NRXN3: variants seen among roughly 807,000 people sequenced by gnomAD.
The protein encoded by NRXN3 is neurexin 3.
Under a neutral mutation model 137.6 loss-of-function variants are expected in NRXN3, and 32 were observed. The observed-to-expected ratio is 0.23, with a 90% CI of 0.18 to 0.31. The LOEUF (loss-of-function observed/expected upper bound fraction) is 0.31. NRXN3 is among the 10% of genes least tolerant of loss of function. The probability of loss-of-function intolerance (pLI) is 1.00; values close to 1 mark genes in which losing one functional copy is unlikely to be tolerated. For synonymous variants in NRXN3, 798 were observed against 784.5 expected (o/e 1.02, Z -0.29); for missense variants, 1,574 against 2,062.5 (o/e 0.76, Z 4.59).
intron 8 of NRXN3, among the ~76,000 whole-genome samples, chr14:78,724,945 C>T (rs954698277): frequency 1.3e-5 from 2 of 152,196 alleles, no homozygotes; most frequent in African/African-American, 4.8e-5. Context: ...AGACCCCCTT[C>T]TGTGGGCTAC....
chr14:79,029,188 A>G (rs753753605), intron 15 of NRXN3, among the ~76,000 whole-genome samples: 15 of 152,124 alleles, frequency 9.9e-5, no homozygotes, highest in Non-Finnish European at 2.2e-4. Flanking sequence ...TATATCAGTT[A>G]TTCTGCATGA....
In NRXN3 at chr14:78,263,895, G is replaced by T. The variant is rs1039466132; in HGVS notation, c.710-14750G>T. Among the ~76,000 whole-genome samples, 7 of 146,938 alleles carry T rather than the reference G, an allele frequency of 4.8e-5. No individual in the cohort carries two copies. In the East Asian group the frequency reaches 1.4e-3, roughly 29 times the overall value. ...ATTTTGTGTGTGTGTGTGTGTGTGTGTGTGTGTGTGTGTGTGTGTGTGTGT... is the reference window on the plus strand; with the variant it reads ...ATTTTGTGTGTGTGTGTGTGTGTGTTTGTGTGTGTGTGTGTGTGTGTGTGT... On this transcript the variant is annotated intron_variant, in intron 2 of 20. Coordinates refer to ENST00000335750, the MANE Select transcript of NRXN3 (RefSeq NM_001330195.2).
chr14:79,116,163 C>T (rs980917133), intron 15 of NRXN3, among the ~76,000 whole-genome samples: 9 of 152,084 alleles, frequency 5.9e-5, no homozygotes, highest in East Asian at 3.9e-4. Flanking sequence ...ATCACTAGAC[C>T]GATCCTCCTC....
chr14:78,342,757 C>A (rs2082277040), intron 4 of NRXN3, among the ~76,000 whole-genome samples: 1 of 152,178 alleles, frequency 6.6e-6, no homozygotes, highest in Admixed American at 6.5e-5. Flanking sequence ...TCTAGTACCC[C>A]TTTCCTGGTC....
intron 4 of NRXN3, among the ~76,000 whole-genome samples, chr14:78,546,798 C>G (rs1314544326): frequency 6.6e-6 from 1 of 152,146 alleles, no homozygotes; most frequent in Admixed American, 6.5e-5. Flanking sequence ...CTGACTTGGC[C>G]TTGTCCCTCA....
intron 10 of NRXN3, among the ~76,000 whole-genome samples, chr14:78,834,101 A>T (rs2098989666): frequency 6.6e-6 from 1 of 152,160 alleles, no homozygotes; most frequent in Non-Finnish European, 1.5e-5. Flanking sequence ...CTGGTGAGTG[A>T]ACAAGGGAGG....
intron 15 of NRXN3, among the ~76,000 whole-genome samples, chr14:79,120,424 A>G (rs1007323634): frequency 2.6e-5 from 4 of 152,072 alleles, no homozygotes; most frequent in African/African-American, 9.7e-5. Context: ...TGAGAAGGGC[A>G]TAACTTTAGG....
intron 4 of NRXN3, among the ~76,000 whole-genome samples, chr14:78,436,802 A>T (rs1316986893): frequency 1.3e-5 from 2 of 152,174 alleles, no homozygotes; most frequent in African/African-American, 2.4e-5. Context: ...CTGTCATGAT[A>T]GTTCTAGCAT....
At chr14:79,499,574 A>G (rs2096799391) in intron 16 of NRXN3, among the ~76,000 whole-genome samples, 1 of 152,174 alleles carries the variant, frequency 6.6e-6, no homozygotes, top group Non-Finnish European at 1.5e-5. Context: ...AAGGAATGTG[A>G]CTGTTTAAAT....
chr14:79,474,173 T>G (rs1441039465), intron 16 of NRXN3, among the ~76,000 whole-genome samples: 2 of 152,170 alleles, frequency 1.3e-5, no homozygotes, highest in African/African-American at 2.4e-5. Context: ...TTTCAGCAAG[T>G]CATTCTACTA....
At chr14:79,390,696 C>T (rs1191502345) in intron 15 of NRXN3, among the ~76,000 whole-genome samples, 3 of 152,120 alleles carry the variant, frequency 2.0e-5, no homozygotes, top group Admixed American at 6.5e-5. Context: ...TGTGGTGTAA[C>T]ATGTACTAAA....
At chr14:78,279,426 A>G (rs993599369) in intron 3 of NRXN3, 7 of 152,246 alleles carry the variant, frequency 4.6e-5, no homozygotes, top group Non-Finnish European at 1.0e-4. Context: ...TGGTTTGGAG[A>G]CTATTCTGAA....
chr14:78,894,570 C>T (rs1199624558), intron 10 of NRXN3, among the ~76,000 whole-genome samples: 1 of 151,908 alleles, frequency 6.6e-6, no homozygotes, highest in African/African-American at 2.4e-5. Flanking sequence ...CTTTTCCAAA[C>T]TCCTGTTAAT....
chr14:79,839,104 T>C (rs12889038), intron 20 of NRXN3, among the ~76,000 whole-genome samples: 5,774 of 152,134 alleles, frequency 0.038, 166 homozygotes, highest in Non-Finnish European at 0.059. Context: ...TGTTTCAACA[T>C]TTCCTTCTTT....
At chr14:78,680,688 C>T (rs1270401274) in intron 6 of NRXN3, among the ~76,000 whole-genome samples, 1 of 151,872 alleles carries the variant, frequency 6.6e-6, no homozygotes, top group Non-Finnish European at 1.5e-5. Context: ...CTGGAACAAA[C>T]AACTCAACAG....
intron 4 of NRXN3, among the ~76,000 whole-genome samples, chr14:78,380,044 G>T (rs923378613): frequency 7.2e-5 from 11 of 152,106 alleles, no homozygotes; most frequent in Non-Finnish European, 1.5e-4. Flanking sequence ...TGCACAACTT[G>T]TATGCTGAAA....
At chr14:79,495,389 TGCAGCAG>T (rs1334405649) in intron 16 of NRXN3, among the ~76,000 whole-genome samples, 1 of 152,210 alleles carries the variant, frequency 6.6e-6, no homozygotes, top group Non-Finnish European at 1.5e-5. Context: ...AACAGGGAGA[TGCAGCAG>T]CTGCAGTTGG....
rs571975582 is a variant in NRXN3 at position 79,823,728 on chromosome 14, C to T, written c.4093+18538C>T. ...TTTTAATATTTAGATACGGAAGCTTCGCCAGACCCGTAATTTTTTAAAAAT... is the reference window on the plus strand; with the variant it reads ...TTTTAATATTTAGATACGGAAGCTTTGCCAGACCCGTAATTTTTTAAAAAT... On this transcript the variant is annotated intron_variant, in intron 20 of 20. Coordinates refer to ENST00000335750, the MANE Select transcript of NRXN3 (RefSeq NM_001330195.2). Among the ~76,000 whole-genome samples, 160 of 152,242 alleles carry T rather than the reference C, an allele frequency of 1.1e-3. 1 individual carries two copies. Among genetic ancestry groups the T allele is most frequent in the Non-Finnish European group, 1.7e-3 (114 of 68,028 alleles).
Position 79,861,320 on chromosome 14 carries a change from A to C in NRXN3, c.4094-22A>C. On this transcript the variant is annotated intron_variant, in intron 20 of 20. Transcript: ENST00000335750. The surrounding 1 kb of genome is among the most constrained non-coding windows in gnomAD (Gnocchi z 5.4). ...CCCTACTGATGATGAAGATTTTTAC[A>C]CCACCTTCTCCTTGGTAACAGATAA... 1.3e-6 allele frequency: 2 copies of C among 1,535,970 alleles called. No homozygotes were observed. Among genetic ancestry groups the C allele is most frequent in the Non-Finnish European group, 1.7e-6 (2 of 1,146,882 alleles).
Sources: allele counts gnomAD v4.1 joint callset (sites outside exome capture counted in the v4.1 genomes callset), GRCh38; gene constraint gnomAD v4.1.1; non-coding constraint Gnocchi (gnomAD v3.1); transcripts MANE v1.5; gene names NCBI Gene and HGNC (gene_info 2026-07-23, HGNC 2026-07-21).